Variants in GRIN2B observed in about 807,000 individuals in gnomAD.
GRIN2B encodes glutamate ionotropic receptor NMDA type subunit 2B, also known as glutamate receptor ionotropic, NMDA 2B.
In GRIN2B, 5 loss-of-function variants were observed where a neutral mutation model predicts 114.5. The ratio of observed to expected loss-of-function variants is 0.04; its 90% CI spans 0.02 to 0.09. The LOEUF is 0.09. Among genes scored for constraint, GRIN2B ranks in the 10% least tolerant of loss-of-function variants. The pLI is 1.00. For synonymous variants in GRIN2B, 787 were observed against 745.1 expected (o/e 1.06, Z -0.92); for missense variants, 1,108 against 1,943.5 (o/e 0.57, Z 8.08).
At chr12:13,764,572 C>T (rs1324684632) in intron 3 of GRIN2B, among the ~76,000 whole-genome samples, 1 of 152,172 alleles carries the variant, frequency 6.6e-6, no homozygotes, top group African/African-American at 2.4e-5. Flanking sequence ...CAGCAGAAAT[C>T]ACTCATGGAA....
chr12:13,752,665 A>G (rs948068373), intron 4 of GRIN2B, among the ~76,000 whole-genome samples: 3 of 152,206 alleles, frequency 2.0e-5, no homozygotes, highest in African/African-American at 4.8e-5. Context: ...GGGCTTGCCA[A>G]ACAAACCAGA....
chr12:13,980,316 G>A lies in GRIN2B; in HGVS notation c.-407C>T, dbSNP rs765516432. On this transcript the variant is annotated 5_prime_UTR_variant, in exon 2 of 14. It adds an upstream start codon to the 5' untranslated region. Coordinates refer to ENST00000609686, the MANE Select transcript of GRIN2B (RefSeq NM_000834.5). ...TGTGGAGAAGCTGGGGGCCGGCTCC[G>A]TCCCTCGGTGGAGCATGGTCATTCC... The A allele has an allele frequency of 6.6e-6, 1 of 152,110 alleles. No homozygotes were observed. Among genetic ancestry groups the A allele is most frequent in the African/African-American group, 2.4e-5 (1 of 41,394 alleles). 9.4% of individuals were successfully genotyped at this position (152,110 alleles called of 1,614,324 possible). A position where few individuals can be genotyped will look rare whatever the true frequency, so the allele number is the denominator to read the frequency against.
At chr12:13,687,578 A>T (rs1352342396) in intron 4 of GRIN2B, among the ~76,000 whole-genome samples, 1 of 152,184 alleles carries the variant, frequency 6.6e-6, no homozygotes, top group Admixed American at 6.5e-5. Context: ...GGAATGTTCT[A>T]CTTGAATGCT....
intron 3 of GRIN2B, among the ~76,000 whole-genome samples, chr12:13,788,400 TGTCA>T (rs1308942822): frequency 1.6e-4 from 25 of 152,330 alleles, no homozygotes; most frequent in African/African-American, 2.4e-4. Flanking sequence ...TTACTGATAC[TGTCA>T]ATCAGAGAAA....
At chr12:13,867,173 CCT>C (rs1491387136) in intron 2 of GRIN2B, among the ~76,000 whole-genome samples, 1 of 152,050 alleles carries the variant, frequency 6.6e-6, no homozygotes, top group East Asian at 1.9e-4. Flanking sequence ...GAAAAATGTT[CCT>C]TTTTTTTTCC....
intron 4 of GRIN2B, among the ~76,000 whole-genome samples, chr12:13,739,311 T>C (rs1443249048): frequency 7.7e-6 from 1 of 129,872 alleles, no homozygotes; most frequent in African/African-American, 3.0e-5. Context: ...GAGGCGGAGG[T>C]TGTGGTGAGC....
At position 13,551,017 on chromosome 12, in the gene GRIN2B, T is replaced by C. The variant is rs1196881972; in HGVS notation, c.*11766A>G. On this transcript the variant is annotated 3_prime_UTR_variant, in exon 14 of 14. Transcript: ENST00000609686. ...GCATTTATATCAAAGAAAGGGTGATTTTACTACTTCATGTTTTTCTCAGTA... is the reference window on the plus strand; with the variant it reads ...GCATTTATATCAAAGAAAGGGTGATCTTACTACTTCATGTTTTTCTCAGTA... The C allele has an allele frequency of 1.4e-5, 2 of 142,036 alleles. No homozygotes were observed. 8.8% of individuals were successfully genotyped at this position (142,036 alleles called of 1,614,324 possible).
At chr12:13,868,192 G>A (rs1013917617) in intron 2 of GRIN2B, among the ~76,000 whole-genome samples, 7 of 152,036 alleles carry the variant, frequency 4.6e-5, no homozygotes, top group Admixed American at 2.6e-4. Flanking sequence ...TCACAAATAA[G>A]ATGAGTAGCT....
chr12:13,631,926 G>A (rs1247059265), intron 5 of GRIN2B, among the ~76,000 whole-genome samples: 1 of 152,278 alleles, frequency 6.6e-6, no homozygotes, highest in South Asian at 2.1e-4. Flanking sequence ...AGAAAAGGCG[G>A]GTTTCCAGAT....
In GRIN2B at chr12:13,767,514, C is replaced by T. The variant is rs141639686; in HGVS notation, c.412-13599G>A. ...TTAAGTGGATATACACTAGCAATGG[C>T]GCCCATGTGTATTAACACTATAAAC... is the stretch of plus-strand genomic sequence containing the variant. On this transcript the variant is annotated intron_variant, in intron 3 of 13. Transcript: ENST00000609686. Among the ~76,000 whole-genome samples, 784 of 152,194 alleles carry T rather than the reference C, an allele frequency of 5.2e-3. 8 individuals are homozygous for T. The highest frequency in any genetic ancestry group is 0.018 in the African/African-American group (761 of 41,510).
rs370168771 is a variant in GRIN2B, at chr12:13,572,007, G to GGA, written c.2011-45_2011-44dup. The GGA allele has an allele frequency of 6.6e-5, 97 of 1,462,490 alleles. 1 individual carries two copies. Among genetic ancestry groups the GGA allele is most frequent in the Middle Eastern group, 1.7e-4 (1 of 5,810 alleles). The allele number at this position is 1,462,490 out of a possible 1,614,324, so 90.6% of individuals were successfully genotyped here. ...GATAGAGACAGAGCGGGAGATGGAG[G>GGA]GAGAGAGAGAGAGAAAAGTCATTTT... On this transcript the variant is annotated intron_variant, in intron 10 of 13. Coordinates refer to ENST00000609686, the MANE Select transcript of GRIN2B (RefSeq NM_000834.5).
chr12:13,553,059 A>T lies in GRIN2B; in HGVS notation c.*9724T>A, dbSNP rs1948433868. 1 of 152,254 alleles carries T rather than the reference A, an allele frequency of 6.6e-6. No homozygotes were observed. The highest frequency in any genetic ancestry group is 2.1e-4 in the South Asian group (1 of 4,834). The allele number at this position is 152,254 out of a possible 1,614,324, so 9.4% of individuals were successfully genotyped here. A position where few individuals can be genotyped will look rare whatever the true frequency, so the allele number is the denominator to read the frequency against. ...AGATTTACAGAGAAGGCTGGCCGGG[A>T]GAAGGAACGAAAACATTATCGGTTA... On this transcript the variant is annotated 3_prime_UTR_variant, in exon 14 of 14. Coordinates refer to ENST00000609686, the MANE Select transcript of GRIN2B (RefSeq NM_000834.5).
At position 13,964,466 on chromosome 12, in the gene GRIN2B, AG is replaced by A. The variant is rs1867753694; in HGVS notation, c.-19+15461del. ...GTTAAACTTGAAAGACAAAAAAGTCAGGATTGCAAGGAAAAGCTGTTCTCCA... is the reference window on the plus strand; with the variant it reads ...GTTAAACTTGAAAGACAAAAAAGTCAGATTGCAAGGAAAAGCTGTTCTCCA... On this transcript the variant is annotated intron_variant, in intron 2 of 13. Transcript: ENST00000609686. Among the ~76,000 whole-genome samples, 3 of 152,248 alleles carry A rather than the reference AG, an allele frequency of 2.0e-5. No individual in the cohort carries two copies. In the South Asian group the frequency reaches 6.2e-4, roughly 32 times the overall value.
At chr12:13,697,880 G>A (rs1452927123) in intron 4 of GRIN2B, among the ~76,000 whole-genome samples, 4 of 152,292 alleles carry the variant, frequency 2.6e-5, no homozygotes, top group South Asian at 2.1e-4. Context: ...TCCTGAGAGT[G>A]CATTTTGCTC....
At chr12:13,666,789 C>A (rs1949980458) in intron 5 of GRIN2B, among the ~76,000 whole-genome samples, 1 of 152,076 alleles carries the variant, frequency 6.6e-6, no homozygotes, top group South Asian at 2.1e-4. Context: ...AAACTCAACG[C>A]ATAAGATCTT....
At chr12:13,596,411 A>T (rs1182694905) in intron 10 of GRIN2B, among the ~76,000 whole-genome samples, 1 of 152,174 alleles carries the variant, frequency 6.6e-6, no homozygotes, top group South Asian at 2.1e-4. Context: ...GCCTTAAGCT[A>T]CTCATGGTCT....
chr12:13,818,845 T>C (rs1483843066), intron 3 of GRIN2B, among the ~76,000 whole-genome samples: 1 of 152,180 alleles, frequency 6.6e-6, no homozygotes, highest in Non-Finnish European at 1.5e-5. Flanking sequence ...CAAATCATCA[T>C]ACAGGGGTCT....
chr12:13,743,263 T>C (rs1489015007), intron 4 of GRIN2B, among the ~76,000 whole-genome samples: 1 of 152,234 alleles, frequency 6.6e-6, no homozygotes, highest in Non-Finnish European at 1.5e-5. Flanking sequence ...AGCCCTTTTC[T>C]GCTTTCTTCA....
At chr12:13,714,818 GCTTT>G (rs1232814651) in intron 4 of GRIN2B, among the ~76,000 whole-genome samples, 1 of 151,836 alleles carries the variant, frequency 6.6e-6, no homozygotes, top group Non-Finnish European at 1.5e-5. Flanking sequence ...TCAAGTTAGG[GCTTT>G]TAGGGTATCT....
Sources: allele counts gnomAD v4.1 joint callset (sites outside exome capture counted in the v4.1 genomes callset), GRCh38; gene constraint gnomAD v4.1.1; transcripts MANE v1.5; gene names NCBI Gene and HGNC (gene_info 2026-07-23, HGNC 2026-07-21).